The following IGFN1 variants were observed in gnomAD, a reference collection of about 807,000 sequenced individuals.
The protein encoded by IGFN1 is immunoglobulin like and fibronectin type III domain containing 1.
Under a neutral mutation model 289.5 loss-of-function variants are expected in IGFN1, and 253 were observed. The ratio of observed to expected loss-of-function variants is 0.87; its 90% confidence interval spans 0.79 to 0.97. The LOEUF (loss-of-function observed/expected upper bound fraction) is 0.97, where lower values mean the gene tolerates loss of function less well. IGFN1 is among the 50% of genes least tolerant of loss of function. The pLI is 0.00. For missense variants in IGFN1, 4,470 were observed against 4,686.1 expected (o/e 0.95, Z 1.35); for synonymous variants, 1,706 against 1,788.5 (o/e 0.95, Z 1.16).
intron 10 of IGFN1, among the ~76,000 whole-genome samples, chr1:201,204,742 A>G (rs1667321849): frequency 6.6e-6 from 1 of 152,212 alleles, no homozygotes; most frequent in Admixed American, 6.5e-5. Flanking sequence ...AATTAATAAT[A>G]CTTATCTTGG....
chr1:201,222,700 A>C (rs766010624), intron 19 of IGFN1, 39 bp from the exon 20 acceptor site: 1 of 1,491,804 alleles, frequency 6.7e-7, no homozygotes, highest in South Asian at 1.2e-5. Flanking sequence ...TCCAACTGTG[A>C]GGGAGGAGGG....
In IGFN1 at chr1:201,219,625, G is replaced by A. The variant is rs116422151; in HGVS notation, c.9898+967G>A. 1.6e-3 allele frequency among the ~76,000 whole-genome samples: 244 copies of A among 152,362 alleles called. 1 individual carries two copies. The highest frequency in any genetic ancestry group is 5.7e-3 in the African/African-American group (235 of 41,586). ...CCCCTAATCAGTTTGCCTACGCCAA[G>A]TCCTCTAGGGAGCAGCACATTTCTG... On this transcript the variant is annotated intron_variant, in intron 18 of 23. Transcript: ENST00000335211.
chr1:201,198,177 G>T (rs765578410), intron 5 of IGFN1, among the ~76,000 whole-genome samples: 2 of 152,132 alleles, frequency 1.3e-5, no homozygotes, highest in Non-Finnish European at 2.9e-5. Context: ...GCTCCATCGC[G>T]TAGGCTGGAG....
In IGFN1 at chr1:201,206,897, T is replaced by TG; in HGVS notation, c.2008dup (p.Ala670GlyfsTer24). 1 of 1,536,008 alleles carries TG rather than the reference T, an allele frequency of 6.5e-7. No homozygotes were observed. Among genetic ancestry groups the TG allele is most frequent in the South Asian group, 1.2e-5 (1 of 83,926 alleles). On this transcript the variant is annotated frameshift_variant, in exon 12 of 24. Coordinates refer to ENST00000335211, the MANE Select transcript of IGFN1 (RefSeq NM_001164586.2). LOFTEE classifies it high-confidence loss of function. ...GCCTGGGAGAAGCTGGAGACAGCAA[T>TG]GGGGCAGGAGGTCCTGGCACCCTGG...
chr1:201,215,340 C>A (rs942496603), intron 14 of IGFN1, among the ~76,000 whole-genome samples, 186 bp downstream of exon 14: 1 of 152,202 alleles, frequency 6.6e-6, no homozygotes, highest in African/African-American at 2.4e-5. Context: ...TTAGCTCTTT[C>A]CCTGTCAGGA....
At chr1:201,223,349 ATTATTTATTTAT>A (rs34981617) in intron 20 of IGFN1, among the ~76,000 whole-genome samples, 79 of 143,082 alleles carry the variant, frequency 5.5e-4, no homozygotes, top group Non-Finnish European at 8.4e-4. Flanking sequence ...TTGGACAAAT[ATTATTTATTTAT>A]TTATTTATTT....
intron 16 of IGFN1, 148 bp downstream of exon 16, chr1:201,216,901 C>A: frequency 1.5e-6 from 1 of 652,940 alleles, no homozygotes; most frequent in Non-Finnish European, 2.6e-6. Context: ...GACTCCTTCC[C>A]TCAGCTGCAT....
At chr1:201,205,996 T>G in intron 11 of IGFN1, 87 bp from the exon 12 acceptor site, 3 of 984,414 alleles carry the variant, frequency 3.0e-6, no homozygotes, top group Non-Finnish European at 4.6e-6. Flanking sequence ...GGCAGGTGCT[T>G]TGGCCGGATT....
Position 201,212,558 on chromosome 1 carries a change from A to G in IGFN1, c.7665A>G (p.Lys2555=). ...CTGGATATGAACGGGACATCTGGAA[A>G]GCAGGCCCAGGAATGACAGACAGGG... The part of the protein sequence containing the change: ...LGSGYERDIW[K]AGPGMTDRGR... The change falls in exon 12 of 24, where the codon AAA becomes AAG. Residue 2555 remains lysine, a synonymous_variant. Coordinates refer to ENST00000335211, the MANE Select transcript of IGFN1 (RefSeq NM_001164586.2). 6.5e-7 allele frequency: 1 copy of G among 1,549,910 alleles called. No individual in the cohort carries two copies. Among genetic ancestry groups the G allele is most frequent in the African/African-American group, 1.4e-5 (1 of 73,096 alleles).
intron 2 of IGFN1, 145 bp from the exon 3 acceptor site, chr1:201,194,009 T>G (rs1572158915): frequency 1.2e-6 from 1 of 812,436 alleles, no homozygotes; most frequent in Non-Finnish European, 1.9e-6. Context: ...AGGCAGGAGG[T>G]ACTACAAATA....
Position 201,224,843 on chromosome 1 carries a change from G to C in IGFN1, c.10455G>C (p.Glu3485Asp). Residue 3485 changes from glutamate (E) to aspartate (D), a missense_variant, in exon 21 of 24, where the codon GAG becomes GAC. Physicochemically the swap from Glu to Asp is conservative, Grantham distance 45. Transcript: ENST00000335211. ...TGCTGAGGACCCTGCAGGGGAAGGA[G>C]GTTGCCCACAGCTTCCGTATCAGGG... Reference protein sequence around the residue: ...TVVLRTLQGKEVAHSFRIRVA... With the variant: ...TVVLRTLQGKDVAHSFRIRVA... 6.2e-7 allele frequency: 1 copy of C among 1,613,880 alleles called. No individual in the cohort carries two copies. The highest frequency in any genetic ancestry group is 1.1e-5 in the South Asian group (1 of 90,980).
At chr1:201,198,111 G>T (rs528132178) in intron 5 of IGFN1, among the ~76,000 whole-genome samples, 2 of 152,180 alleles carry the variant, frequency 1.3e-5, no homozygotes, top group East Asian at 3.9e-4. Context: ...AGGTGGCCCA[G>T]GTCCATCTGC....
Position 201,194,271 on chromosome 1 carries a change from A to G in IGFN1, c.125A>G (p.Glu42Gly), listed in dbSNP as rs1376529292. ...AAGCCCGTCACCTCGGCTCTGCCAGAGGGTGAGCCCAGAGGGGAGCTGCGG... is the reference window on the plus strand; with the variant it reads ...AAGCCCGTCACCTCGGCTCTGCCAGGGGGTGAGCCCAGAGGGGAGCTGCGG... ...EQKPVTSALP[E>G]GKNAVFRAVV... is the part of the protein sequence containing the mutation. The change falls in exon 3 of 24, where the codon GAG becomes GGG. Residue 42 changes from glutamate (E) to glycine (G), a missense_variant and splice_region_variant. Around this residue, in one of 8 missense-constraint regions of IGFN1, gnomAD observed 2,011 missense variants for 1,953.4 expected, o/e 1.03. Transcript: ENST00000335211. 6.4e-7 allele frequency: 1 copy of G among 1,551,214 alleles called. No homozygotes were observed. Among genetic ancestry groups the G allele is most frequent in the Admixed American group, 2.0e-5 (1 of 50,986 alleles).
At position 201,226,108 on chromosome 1, in the gene IGFN1, A is replaced by T; in HGVS notation, c.10771A>T (p.Ile3591Phe). 1 of 1,596,988 alleles carries T rather than the reference A, an allele frequency of 6.3e-7. No individual in the cohort carries two copies. Among genetic ancestry groups the T allele is most frequent in the Non-Finnish European group, 8.5e-7 (1 of 1,169,726 alleles). ...KPSDTSQPWC[I>F]PRQRDRFTVK... ...CTCGGACACCAGCCAGCCCTGGTGC[A>T]TCCCCCGGCAGCGCGGTAAGCAGCC... The change falls in exon 22 of 24, where the codon ATC becomes TTC. Residue 3591 changes from isoleucine (I) to phenylalanine (F), a missense_variant. Ile to Phe is a conservative substitution (Grantham distance 21). Coordinates refer to ENST00000335211, the MANE Select transcript of IGFN1 (RefSeq NM_001164586.2).
In IGFN1 at chr1:201,221,645, G is replaced by C; in HGVS notation, c.10100G>C (p.Arg3367Pro). The C allele has an allele frequency of 2.5e-6, 4 of 1,614,208 alleles. No homozygotes were observed. The highest frequency in any genetic ancestry group is 3.4e-6 in the Non-Finnish European group (4 of 1,180,032). Residue 3367 changes from arginine (R) to proline (P), a missense_variant, in exon 19 of 24, where the codon CGG becomes CCG. Arg to Pro is a moderately radical substitution (Grantham distance 103). Transcript: ENST00000335211. ...PVTTYTAKGL[R>P]PGEGYFVRVT... ...ACCACCTACACGGCCAAGGGGCTTCGGCCTGGAGAGGGCTACTTCGTGCGG... is the reference window on the plus strand; with the variant it reads ...ACCACCTACACGGCCAAGGGGCTTCCGCCTGGAGAGGGCTACTTCGTGCGG...
In IGFN1 at chr1:201,212,911, G is replaced by A. The variant is rs1277029619; in HGVS notation, c.8018G>A (p.Gly2673Asp). The A allele has an allele frequency of 3.9e-6, 6 of 1,551,496 alleles. No homozygotes were observed. The highest frequency in any genetic ancestry group is 3.6e-5 in the South Asian group (3 of 84,064). Residue 2673 changes from glycine (G) to aspartate (D), a missense_variant, in exon 12 of 24, where the codon GGT (glycine) becomes GAT (aspartate). Coordinates refer to ENST00000335211, the MANE Select transcript of IGFN1 (RefSeq NM_001164586.2). Reference sequence around the variant, plus strand: ...CATGAAGGGCCAGGGGGCTTTAAGGGTGGGGAGGGTGCACCAGGCCAAGAG... The same window carrying A: ...CATGAAGGGCCAGGGGGCTTTAAGGATGGGGAGGGTGCACCAGGCCAAGAG... Reference protein sequence around the residue: ...GTHEGPGGFKGGEGAPGQEAA... With the variant: ...GTHEGPGGFKDGEGAPGQEAA...
At chr1:201,218,234 C>T (rs1040680149) in intron 17 of IGFN1, among the ~76,000 whole-genome samples, 3 of 152,216 alleles carry the variant, frequency 2.0e-5, no homozygotes, top group African/African-American at 7.2e-5. Context: ...AGTGATTCTG[C>T]TTTATTTAAA....
rs375886100 is a variant in IGFN1 at position 201,213,489 on chromosome 1, C to T, written c.8596C>T (p.Pro2866Ser). ...GAATGAAGATCAGAGCCGGGAGCCC[C>T]CTGGTCACCTTGGTAGCAGGAGAAG... ...MLNEDQSREP[P>S]GHLGSRRSGK... is the part of the protein sequence containing the mutation. The change falls in exon 12 of 24, where the codon CCT becomes TCT. Residue 2866 changes from proline to serine, a missense_variant. Pro to Ser is a moderately conservative substitution (Grantham distance 74). Around this residue, in one of 8 missense-constraint regions of IGFN1, gnomAD observed 2,218 missense variants for 2,114.1 expected, o/e 1.05. Coordinates refer to ENST00000335211, the MANE Select transcript of IGFN1 (RefSeq NM_001164586.2). 79 of 1,613,982 alleles carry T rather than the reference C, an allele frequency of 4.9e-5. 1 individual carries two copies. Among genetic ancestry groups the T allele is most frequent in the Admixed American group, 3.7e-4 (22 of 60,000 alleles).
chr1:201,203,938 G>A (rs1478410369), intron 10 of IGFN1, 32 bp downstream of exon 10: 2 of 1,530,542 alleles, frequency 1.3e-6, no homozygotes, highest in Admixed American at 4.0e-5. Flanking sequence ...AGTTGGAGTT[G>A]GGGAGATATG....
Sources: allele counts gnomAD v4.1 joint callset (sites outside exome capture counted in the v4.1 genomes callset), GRCh38; gene constraint gnomAD v4.1.1; regional missense constraint gnomAD v4.1.1; transcripts MANE v1.5; gene names NCBI Gene and HGNC (gene_info 2026-07-23, HGNC 2026-07-21).